The following RANBP9 variants were observed in gnomAD, a reference collection of about 807,000 sequenced individuals.
The protein encoded by RANBP9 is RAN binding protein 9, also known as ran-binding protein 9.
A neutral mutation model predicts 84.3 loss-of-function variants in RANBP9; 15 were observed. The ratio of observed to expected loss-of-function variants is 0.18; its 90% confidence interval spans 0.12 to 0.27. The LOEUF is 0.27. Ranked by LOEUF, RANBP9 falls within the 10% of genes least tolerant of loss-of-function variation. The probability of loss-of-function intolerance (pLI) is 1.00; values close to 1 mark genes in which losing one functional copy is unlikely to be tolerated. For synonymous variants in RANBP9, 392 were observed against 349.6 expected, an observed-to-expected ratio of 1.12 and a Z score of -1.35; for missense variants, 809 against 912.8, an observed-to-expected ratio of 0.89 and a Z score of 1.46.
In RANBP9 at chr6:13,696,742, C is replaced by CA. The variant is rs761207939; in HGVS notation, c.683+42dup. 1.5e-5 allele frequency: 22 copies of CA among 1,514,660 alleles called. No homozygotes were observed. The South Asian group carries it at 2.0e-4, about 14-fold the overall frequency. The allele number at this position is 1,514,660 out of a possible 1,614,324, so 93.8% of individuals were successfully genotyped here. On this transcript the variant is annotated intron_variant, in intron 2 of 13. Transcript: ENST00000011619. The stretch of plus-strand genomic sequence containing the variant: ...ACATCATAAACATTATGAACCAAAA[C>CA]AAAAAAACTAGCAAACGATTTTTCT...
At chr6:13,692,659 C>G (rs1262259634) in intron 2 of RANBP9, among the ~76,000 whole-genome samples, 1 of 152,008 alleles carries the variant, frequency 6.6e-6, no homozygotes, top group Non-Finnish European at 1.5e-5. Flanking sequence ...TGACACCAGC[C>G]TGGGCAACAG....
chr6:13,689,508 A>T (rs1766275831), intron 2 of RANBP9, among the ~76,000 whole-genome samples: 2 of 152,098 alleles, frequency 1.3e-5, no homozygotes, highest in Admixed American at 1.3e-4. Flanking sequence ...TCTTTATCTC[A>T]GGTGATCCAC....
chr6:13,662,152 T>G (rs1023976893), intron 2 of RANBP9, among the ~76,000 whole-genome samples: 1 of 151,952 alleles, frequency 6.6e-6, no homozygotes, highest in Admixed American at 6.6e-5. Flanking sequence ...AATGACAAAA[T>G]ATATCACTAA....
At chr6:13,669,775 TAC>T (rs1765731985) in intron 2 of RANBP9, among the ~76,000 whole-genome samples, 1 of 152,076 alleles carries the variant, frequency 6.6e-6, no homozygotes, top group African/African-American at 2.4e-5. Flanking sequence ...GCATTTTTTG[TAC>T]AGACAGGGTT....
At chr6:13,670,596 A>C (rs1247826355) in intron 2 of RANBP9, among the ~76,000 whole-genome samples, 7 of 152,102 alleles carry the variant, frequency 4.6e-5, no homozygotes, top group Admixed American at 4.6e-4. Flanking sequence ...GGAGATCGAG[A>C]CCATCCTGGC....
chr6:13,699,788 G>A (rs375837461), intron 1 of RANBP9, among the ~76,000 whole-genome samples: 2 of 152,200 alleles, frequency 1.3e-5, no homozygotes, highest in South Asian at 2.1e-4. Flanking sequence ...CTTGAACTTG[G>A]GAGGCAGAAG....
chr6:13,677,991 T>C (rs1181398701), intron 2 of RANBP9, among the ~76,000 whole-genome samples: 1 of 152,036 alleles, frequency 6.6e-6, no homozygotes, highest in Non-Finnish European at 1.5e-5. Flanking sequence ...TAGTGGTATG[T>C]GCCTGCAGTG....
chr6:13,658,250 CA>C lies in RANBP9; in HGVS notation c.736+529del, dbSNP rs200763306. On this transcript the variant is annotated intron_variant, in intron 3 of 13. Transcript: ENST00000011619. ...ACTAAAACTTAAAAATATAAAAATA[CA>C]AAAAAAAGCATGATATATATACTAT... Among the ~76,000 whole-genome samples the C allele has an allele frequency of 1.5e-4, 22 of 150,202 alleles. No homozygotes were observed. The East Asian group carries it at 2.9e-3, about 20-fold the overall frequency.
chr6:13,622,855 T>C (rs986439142), intron 13 of RANBP9, among the ~76,000 whole-genome samples: 4 of 152,236 alleles, frequency 2.6e-5, no homozygotes, highest in African/African-American at 9.6e-5. Context: ...CAGTTGATAC[T>C]AACTAAAACT....
chr6:13,654,459 T>C (rs556850210), intron 4 of RANBP9, among the ~76,000 whole-genome samples: 3 of 152,302 alleles, frequency 2.0e-5, no homozygotes, highest in Admixed American at 6.5e-5. Flanking sequence ...TAAACAAATA[T>C]ACATTCTGAA....
chr6:13,642,601 A>C lies in RANBP9; in HGVS notation c.1113-10T>G, dbSNP rs764798948. Reference sequence around the variant, plus strand: ...ATAAGATGAAACCATTCTTAAAATAAAAAGAAGAAACATACATCTTTTAGT... The same window carrying C: ...ATAAGATGAAACCATTCTTAAAATACAAAGAAGAAACATACATCTTTTAGT... On this transcript the variant is annotated splice_polypyrimidine_tract_variant and intron_variant, in intron 6 of 13. Coordinates refer to ENST00000011619, the MANE Select transcript of RANBP9 (RefSeq NM_005493.3). The C allele has an allele frequency of 1.9e-6, 3 of 1,541,300 alleles. No individual in the cohort carries two copies. In the African/African-American group the frequency reaches 4.1e-5, roughly 21 times the overall value.
chr6:13,677,507 GAAATA>G (rs900178924), intron 2 of RANBP9, among the ~76,000 whole-genome samples: 16 of 151,928 alleles, frequency 1.1e-4, no homozygotes, highest in African/African-American at 3.9e-4. Flanking sequence ...TAATACCTTT[GAAATA>G]AAATGTTTTA....
Position 13,711,181 on chromosome 6 carries a change from C to T in RANBP9, c.325G>A (p.Ala109Thr). ...ASGPPAPPGL[A>T]AGPGPAGGAP... is the part of the protein sequence containing the mutation. Reference sequence around the variant, plus strand: ...CCTCCAGCCGGGCCGGGGCCCGCTGCAAGGCCCGGGGGAGCGGGCGGCCCG... The same window carrying T: ...CCTCCAGCCGGGCCGGGGCCCGCTGTAAGGCCCGGGGGAGCGGGCGGCCCG... The change falls in exon 1 of 14, where the codon GCA becomes ACA. Residue 109 changes from alanine to threonine, a missense_variant. Physicochemically the swap from Ala to Thr is moderately conservative, Grantham distance 58. Coordinates refer to ENST00000011619, the MANE Select transcript of RANBP9 (RefSeq NM_005493.3). 7.2e-7 allele frequency: 1 copy of T among 1,392,056 alleles called. No individual in the cohort carries two copies. 86.2% of individuals were successfully genotyped at this position (1,392,056 alleles called of 1,614,324 possible).
At chr6:13,692,527 C>CAA (rs61237158) in intron 2 of RANBP9, among the ~76,000 whole-genome samples, 1,701 of 28,638 alleles carry the variant, frequency 0.059, 320 homozygotes, top group East Asian at 0.085. Flanking sequence ...AACTCCGTCT[C>CAA]AAAAAAAAAA....
intron 2 of RANBP9, among the ~76,000 whole-genome samples, chr6:13,669,503 ATGTGT>A (rs1412945306): frequency 6.6e-6 from 1 of 152,194 alleles, no homozygotes; most frequent in Non-Finnish European, 1.5e-5. Context: ...AACCAAGAGA[ATGTGT>A]TGCTGGCTTA....
Position 13,634,322 on chromosome 6 carries a change from T to C in RANBP9, c.1795+109A>G, listed in dbSNP as rs985652863. 35 of 1,341,604 alleles carry C rather than the reference T, an allele frequency of 2.6e-5. No individual in the cohort carries two copies. The South Asian group carries it at 3.0e-4, about 12-fold the overall frequency. 83.1% of individuals were successfully genotyped at this position (1,341,604 alleles called of 1,614,324 possible). Reference sequence around the variant, plus strand: ...CATTACTGTCAAGTCCTACAGCACATACATCTTTAAATCTGGTTTATGCTC... The same window carrying C: ...CATTACTGTCAAGTCCTACAGCACACACATCTTTAAATCTGGTTTATGCTC... On this transcript the variant is annotated intron_variant, in intron 11 of 13. Transcript: ENST00000011619.
In RANBP9 at chr6:13,639,892, T is replaced by TGGTG. The variant is rs936651582; in HGVS notation, c.1335-143_1335-140dup. ...TTTAGTAAGCTAAAAATATTAAATATGGTGTCCTATGCTTTAATGCTTAGA... is the reference window on the plus strand; with the variant it reads ...TTTAGTAAGCTAAAAATATTAAATATGGTGGGTGTCCTATGCTTTAATGCTTAGA... On this transcript the variant is annotated intron_variant, in intron 8 of 13. Transcript: ENST00000011619. 5.7e-6 allele frequency: 4 copies of TGGTG among 707,574 alleles called. No homozygotes were observed. The African/African-American group carries it at 7.2e-5, about 13-fold the overall frequency. The allele number at this position is 707,574 out of a possible 1,614,324, so 43.8% of individuals were successfully genotyped here.
chr6:13,705,614 C>A (rs1758088919), intron 1 of RANBP9, among the ~76,000 whole-genome samples: 1 of 151,940 alleles, frequency 6.6e-6, no homozygotes, highest in Non-Finnish European at 1.5e-5. Flanking sequence ...GTAATCCCAG[C>A]ACTTTGGGAG....
At position 13,669,616 on chromosome 6, in the gene RANBP9, T is replaced by C. The variant is rs140722729; in HGVS notation, c.684-10784A>G. 3.3e-3 allele frequency among the ~76,000 whole-genome samples: 508 copies of C among 152,294 alleles called. 2 individuals are homozygous for C. The highest frequency in any genetic ancestry group is 0.012 in the African/African-American group (494 of 41,570). On this transcript the variant is annotated intron_variant, in intron 2 of 13. Coordinates refer to ENST00000011619, the MANE Select transcript of RANBP9 (RefSeq NM_005493.3). ...GTTATTGTTGTTGTTTTGCGACAAG[T>C]AAGGTCTCACTTTAACCAGGCTGCA...
Sources: gnomAD v4.1 joint callset for allele counts (sites outside exome capture counted in the v4.1 genomes callset) on GRCh38, gnomAD v4.1.1 for gene constraint, MANE v1.5 for transcripts, NCBI Gene and HGNC (gene_info 2026-07-23, HGNC 2026-07-21) for gene names.